Variants in CSMD3 observed in about 807,000 individuals in gnomAD.
CSMD3 encodes CUB and Sushi multiple domains 3.
A neutral mutation model predicts 435.2 loss-of-function variants in CSMD3; 177 were observed. The ratio of observed to expected loss-of-function variants is 0.41; its 90% CI spans 0.36 to 0.46. The LOEUF is 0.46. Ranked by LOEUF, CSMD3 falls within the 20% of genes least tolerant of loss-of-function variation. The pLI is 0.34. For missense variants in CSMD3, 4,265 were observed against 4,504.6 expected (o/e 0.95, Z 1.52); for synonymous variants, 1,656 against 1,520.5 (o/e 1.09, Z -2.07).
At chr8:112,658,862 C>T (rs142106269) in intron 17 of CSMD3, among the ~76,000 whole-genome samples, 14 of 151,786 alleles carry the variant, frequency 9.2e-5, no homozygotes, top group Admixed American at 7.9e-4. Context: ...GGCTGAGGCA[C>T]GAGAATCACT....
In CSMD3 at chr8:112,301,927, T is replaced by C. The variant is rs528079788; in HGVS notation, c.8306A>G (p.Asn2769Ser). ...CGELPTPPNG[N>S]KIGTQTSYGS... is the part of the protein sequence containing the mutation. Reference sequence around the variant, plus strand: ...ATATGAAGTTTGAGTTCCAATCTTATTTCCATTTGGAGGTGTAGGTAGTTC... The same window carrying C: ...ATATGAAGTTTGAGTTCCAATCTTACTTCCATTTGGAGGTGTAGGTAGTTC... Residue 2769 changes from asparagine (N) to serine (S), a missense_variant, in exon 53 of 71, where the codon AAT becomes AGT. This residue lies in a region of CSMD3 where 3,255 missense variants were observed against 3,380.2 expected (regional missense o/e 0.96). Transcript: ENST00000297405. 2.4e-5 allele frequency: 39 copies of C among 1,612,520 alleles called. No homozygotes were observed. In the South Asian group the frequency reaches 3.0e-4, roughly 12 times the overall value.
Position 112,556,959 on chromosome 8 carries a change from G to A in CSMD3, c.4043-5C>T, listed in dbSNP as rs2131226724. ...CACAGTGTGAGAGTTCAAAACCTGG[G>A]ACAAAAATATAAATTGATTAAAGGC... On this transcript the variant is annotated splice_region_variant and splice_polypyrimidine_tract_variant and intron_variant, in intron 24 of 70. Coordinates refer to ENST00000297405, the MANE Select transcript of CSMD3 (RefSeq NM_198123.2). 2 of 1,602,842 alleles carry A rather than the reference G, an allele frequency of 1.2e-6. No individual in the cohort carries two copies. The highest frequency in any genetic ancestry group is 1.7e-6 in the Non-Finnish European group (2 of 1,170,720).
intron 3 of CSMD3, among the ~76,000 whole-genome samples, chr8:113,257,314 G>C (rs1166126502): frequency 6.6e-6 from 1 of 152,176 alleles, no homozygotes; most frequent in Non-Finnish European, 1.5e-5. Context: ...GGAAGGCTGA[G>C]GCAGGAGAAT....
chr8:112,562,392 A>G (rs1586688356), intron 24 of CSMD3, among the ~76,000 whole-genome samples: 2 of 151,694 alleles, frequency 1.3e-5, no homozygotes, highest in East Asian at 3.9e-4. Context: ...TTTTTAATTC[A>G]GTTAAAACAT....
intron 19 of CSMD3, among the ~76,000 whole-genome samples, chr8:112,649,400 A>T (rs2075064760): frequency 6.6e-6 from 1 of 152,242 alleles, no homozygotes; most frequent in Admixed American, 6.5e-5. Flanking sequence ...GTACTTGAAA[A>T]TTTAATCATA....
intron 24 of CSMD3, among the ~76,000 whole-genome samples, chr8:112,564,350 C>A (rs906943156): frequency 6.7e-6 from 1 of 150,334 alleles, no homozygotes; most frequent in East Asian, 2.0e-4. Context: ...TTCTCCCCTC[C>A]TTTCTCCCCT....
At chr8:113,397,296 C>T (rs2094488085) in intron 1 of CSMD3, among the ~76,000 whole-genome samples, 1 of 151,972 alleles carries the variant, frequency 6.6e-6, no homozygotes, top group African/African-American at 2.4e-5. Flanking sequence ...GTTATGTAAA[C>T]ATTTACGTTT....
intron 2 of CSMD3, among the ~76,000 whole-genome samples, chr8:113,281,676 T>C (rs2093613994): frequency 1.3e-5 from 2 of 151,974 alleles, no homozygotes; most frequent in South Asian, 4.1e-4. Flanking sequence ...TATTGAAATG[T>C]GAGGTACCCT....
chr8:112,877,320 C>A (rs1050150269), intron 10 of CSMD3, among the ~76,000 whole-genome samples: 2 of 151,630 alleles, frequency 1.3e-5, no homozygotes, highest in Non-Finnish European at 2.9e-5. Flanking sequence ...AGCTGGAGTG[C>A]AATGGTGTGA....
chr8:112,697,721 T>C (rs1427932068), intron 13 of CSMD3, among the ~76,000 whole-genome samples: 2 of 151,780 alleles, frequency 1.3e-5, no homozygotes, highest in Non-Finnish European at 2.9e-5. Context: ...CCCTAGAACT[T>C]AAAGTATAAT....
intron 32 of CSMD3, 85 bp from the exon 33 acceptor site, chr8:112,409,117 A>AG: frequency 6.3e-7 from 1 of 1,595,898 alleles, no homozygotes; most frequent in South Asian, 1.1e-5. Context: ...AAAGAGGAGG[A>AG]GAGAGAGAAC....
At chr8:113,042,298 AT>A (rs1366129353) in intron 5 of CSMD3, among the ~76,000 whole-genome samples, 1 of 152,170 alleles carries the variant, frequency 6.6e-6, no homozygotes, top group Non-Finnish European at 1.5e-5. Flanking sequence ...AGAATCACAA[AT>A]TAATTAGAAT....
At position 113,210,003 on chromosome 8, in the gene CSMD3, G is replaced by GGTGTGTGT. The variant is rs3048831; in HGVS notation, c.515-36095_515-36088dup. Among the ~76,000 whole-genome samples the GGTGTGTGT allele has an allele frequency of 7.3e-3, 1,014 of 139,032 alleles. 1 individual carries two copies. Among genetic ancestry groups the GGTGTGTGT allele is most frequent in the Non-Finnish European group, 0.011 (670 of 62,602 alleles). The allele number at this position is 139,032 out of a possible 152,430, so 91.2% of individuals were successfully genotyped here. A position where few individuals can be genotyped will look rare whatever the true frequency, so the allele number is the denominator to read the frequency against. On this transcript the variant is annotated intron_variant, in intron 3 of 70. Coordinates refer to ENST00000297405, the MANE Select transcript of CSMD3 (RefSeq NM_198123.2). ...CTAACCCGTTTTACTTCTCCTAAAA[G>GGTGTGTGT]GTGTGTGTGTGTGTGTGTGTGTGTG...
chr8:112,583,836 G>T (rs1219700980), intron 23 of CSMD3, among the ~76,000 whole-genome samples: 1 of 151,872 alleles, frequency 6.6e-6, no homozygotes, highest in African/African-American at 2.4e-5. Context: ...TACCAGTTTT[G>T]TTCAATTCAG....
At chr8:113,415,511 A>G (rs562113780) in intron 1 of CSMD3, among the ~76,000 whole-genome samples, 2 of 152,294 alleles carry the variant, frequency 1.3e-5, no homozygotes, top group Admixed American at 6.5e-5. Flanking sequence ...CAGAGTGTTT[A>G]ATTTTTATTT....
Position 112,222,995 on chromosome 8 carries a change from C to G in CSMD3, c.*1776G>C. 5.0e-6 allele frequency: 2 copies of G among 397,450 alleles called. No homozygotes were observed. Among genetic ancestry groups the G allele is most frequent in the Non-Finnish European group, 8.9e-6 (2 of 225,148 alleles). The allele number at this position is 397,450 out of a possible 1,614,324, so 24.6% of individuals were successfully genotyped here. A position where few individuals can be genotyped will look rare whatever the true frequency, so the allele number is the denominator to read the frequency against. On this transcript the variant is annotated 3_prime_UTR_variant, in exon 71 of 71. Transcript: ENST00000297405. ...ACTGAAAATTTACATCATACTTTTA[C>G]AAAGTTTCTTTTCATAAAAATATAC... is the stretch of plus-strand genomic sequence containing the variant.
At chr8:112,227,898 C>T (rs536631110) in intron 70 of CSMD3, among the ~76,000 whole-genome samples, 6 of 151,878 alleles carry the variant, frequency 4.0e-5, no homozygotes, top group African/African-American at 1.5e-4. Flanking sequence ...AAAAATTAGC[C>T]GGGCATGATG....
At chr8:112,461,334 A>G (rs1817423013) in intron 32 of CSMD3, among the ~76,000 whole-genome samples, 1 of 152,156 alleles carries the variant, frequency 6.6e-6, no homozygotes, top group African/African-American at 2.4e-5. Context: ...TGCATGACAG[A>G]ATAATGAAAT....
intron 31 of CSMD3, among the ~76,000 whole-genome samples, chr8:112,487,086 A>C (rs913089707): frequency 7.9e-5 from 12 of 152,204 alleles, no homozygotes; most frequent in Non-Finnish European, 5.9e-5. Flanking sequence ...AAGATTAAGA[A>C]TATTTCATTT....
Sources: gnomAD v4.1 joint callset for allele counts (sites outside exome capture counted in the v4.1 genomes callset) on GRCh38, gnomAD v4.1.1 for gene constraint, gnomAD v4.1.1 regional missense constraint, MANE v1.5 for transcripts, NCBI Gene and HGNC (gene_info 2026-07-23, HGNC 2026-07-21) for gene names.